Variants in WASF3 observed in about 807,000 individuals in gnomAD.
The protein encoded by WASF3 is WASP family member 3, also known as actin-binding protein WASF3.
Under a neutral mutation model 46.6 loss-of-function variants are expected in WASF3, and 11 were observed. The ratio of observed to expected loss-of-function variants is 0.24; its 90% CI spans 0.15 to 0.39. The LOEUF is 0.39. Among genes scored for constraint, WASF3 ranks in the 10% least tolerant of loss-of-function variants. The pLI, the probability that WASF3 is intolerant of heterozygous loss-of-function variation, is 1.00. For synonymous variants in WASF3, 242 were observed against 259.7 expected (o/e 0.93, Z 0.65); for missense variants, 576 against 669.8 (o/e 0.86, Z 1.55).
At chr13:26,564,038 T>C (rs1245504904) in intron 1 of WASF3, among the ~76,000 whole-genome samples, 1 of 152,188 alleles carries the variant, frequency 6.6e-6, no homozygotes, top group Non-Finnish European at 1.5e-5. Context: ...TGAACCTTTT[T>C]GGTATTTTAA....
chr13:26,554,916 C>T (rs764604737), upstream of WASF3, among the ~76,000 whole-genome samples: 1 of 152,070 alleles, frequency 6.6e-6, no homozygotes, highest in Non-Finnish European at 1.5e-5. Context: ...GATGGCTGGA[C>T]TGAATTGTGA....
chr13:26,599,178 TC>T (rs1451299097), intron 1 of WASF3, among the ~76,000 whole-genome samples: 139 of 117,674 alleles, frequency 1.2e-3, no homozygotes, highest in African/African-American at 3.8e-3. Context: ...GCTCTTCTTT[TC>T]ATTTCTTTTT....
chr13:26,572,712 T>C (rs1402286175), intron 1 of WASF3, among the ~76,000 whole-genome samples: 1 of 152,018 alleles, frequency 6.6e-6, no homozygotes, highest in Non-Finnish European at 1.5e-5. Flanking sequence ...ACCACCATGC[T>C]GGGCTAATTT....
rs191924915 is a variant in WASF3 at position 26,621,514 on chromosome 13, G to T, written c.-11+8456G>T. Among the ~76,000 whole-genome samples the T allele has an allele frequency of 8.0e-4, 122 of 152,268 alleles. 1 individual carries two copies. The highest frequency in any genetic ancestry group is 2.8e-3 in the African/African-American group (118 of 41,572). ...CTGATGAAGAAACTTGCACAGAGTCGTGTAGTGTTAGTGGCAGAACTTGGA... is the reference window on the plus strand; with the variant it reads ...CTGATGAAGAAACTTGCACAGAGTCTTGTAGTGTTAGTGGCAGAACTTGGA... On this transcript the variant is annotated intron_variant, in intron 2 of 9. Coordinates refer to ENST00000335327, the MANE Select transcript of WASF3 (RefSeq NM_006646.6).
chr13:26,664,998 A>G (rs375014420), intron 3 of WASF3, 30 bp from the exon 4 acceptor site: 141 of 1,612,662 alleles, frequency 8.7e-5, no homozygotes, highest in Non-Finnish European at 1.1e-4. Context: ...TCCCTAACAG[A>G]TGGCCTTCTC....
chr13:26,540,313 G>T, the WASF3 span, among the ~76,000 whole-genome samples: 1 of 152,150 alleles, frequency 6.6e-6, no homozygotes, highest in African/African-American at 2.4e-5. Context: ...GCAGCCCAGG[G>T]CTCATAAGTG....
intron 1 of WASF3, among the ~76,000 whole-genome samples, 170 bp downstream of exon 1, chr13:26,557,989 C>G (rs1374732955): frequency 6.6e-6 from 1 of 150,726 alleles, no homozygotes; most frequent in Non-Finnish European, 1.5e-5. Context: ...GCGGCGCCGC[C>G]TCGCGCCTAT....
chr13:26,582,487 G>T (rs546126374), intron 1 of WASF3, among the ~76,000 whole-genome samples: 181 of 151,998 alleles, frequency 1.2e-3, no homozygotes, highest in African/African-American at 4.2e-3. Flanking sequence ...AACAGCCTGG[G>T]CAACACAGTG....
chr13:26,668,698 C>T (rs894921832), intron 5 of WASF3, among the ~76,000 whole-genome samples: 1 of 152,246 alleles, frequency 6.6e-6, no homozygotes, highest in Non-Finnish European at 1.5e-5. Context: ...GCAGTTCAAA[C>T]TACACCACTT....
At chr13:26,617,813 G>A (rs1015799854) in intron 2 of WASF3, among the ~76,000 whole-genome samples, 4 of 152,146 alleles carry the variant, frequency 2.6e-5, no homozygotes, top group African/African-American at 4.8e-5. Context: ...ACCAGGTGGA[G>A]GTAATTGAAT....
intron 1 of WASF3, among the ~76,000 whole-genome samples, chr13:26,560,507 A>C (rs890997306): frequency 2.0e-5 from 3 of 151,978 alleles, no homozygotes; most frequent in Non-Finnish European, 4.4e-5. Context: ...CCTGTATGTT[A>C]AAAAAACCAT....
intron 1 of WASF3, among the ~76,000 whole-genome samples, chr13:26,574,792 T>G (rs1173350682): frequency 6.6e-6 from 1 of 152,194 alleles, no homozygotes; most frequent in Non-Finnish European, 1.5e-5. Flanking sequence ...TAAGTTTTTC[T>G]TCTAATAGTA....
upstream of WASF3, among the ~76,000 whole-genome samples, chr13:26,553,162 C>T (rs185734103): frequency 2.6e-5 from 4 of 152,322 alleles, no homozygotes; most frequent in East Asian, 1.9e-4. Flanking sequence ...CTTCACTACA[C>T]GCTGCATGCA....
At chr13:26,669,612 C>T (rs1013310253) in intron 5 of WASF3, among the ~76,000 whole-genome samples, 10 of 152,006 alleles carry the variant, frequency 6.6e-5, no homozygotes, top group Non-Finnish European at 1.5e-4. Flanking sequence ...CTCCCGGGTT[C>T]AAGCGATTCT....
At chr13:26,618,076 A>G (rs149828019) in intron 2 of WASF3, among the ~76,000 whole-genome samples, 1 of 152,164 alleles carries the variant, frequency 6.6e-6, no homozygotes, top group Admixed American at 6.5e-5. Flanking sequence ...TCTTTTTAGC[A>G]GTGTGAAAAC....
At chr13:26,637,020 G>T (rs1881846879) in intron 2 of WASF3, among the ~76,000 whole-genome samples, 2 of 152,224 alleles carry the variant, frequency 1.3e-5, no homozygotes, top group African/African-American at 4.8e-5. Flanking sequence ...GAGCATGTGT[G>T]TCTTACCAAG....
the WASF3 span, among the ~76,000 whole-genome samples, chr13:26,544,774 G>C: frequency 1.4e-3 from 216 of 152,312 alleles, no homozygotes; most frequent in African/African-American, 4.1e-3. Context: ...CAAGTGATCT[G>C]ACAAGGTCTC....
intron 1 of WASF3, chr13:26,576,753 A>G (rs1879808789): frequency 9.8e-6 from 3 of 306,334 alleles, no homozygotes; most frequent in South Asian, 8.0e-5. Flanking sequence ...TGGAACAATA[A>G]TAGACTCATT....
intron 2 of WASF3, among the ~76,000 whole-genome samples, chr13:26,640,116 T>A (rs916814472): frequency 6.6e-6 from 1 of 152,012 alleles, no homozygotes; most frequent in Admixed American, 6.6e-5. Flanking sequence ...CTGTTTTCCA[T>A]CTATTGGAAT....
Sources: gnomAD v4.1 joint callset for allele counts (sites outside exome capture counted in the v4.1 genomes callset) on GRCh38, gnomAD v4.1.1 for gene constraint, MANE v1.5 for transcripts, NCBI Gene and HGNC (gene_info 2026-07-23, HGNC 2026-07-21) for gene names.